The following CSMD1 variants were observed in gnomAD, a reference collection of about 807,000 sequenced individuals.
CSMD1 encodes the protein CUB and Sushi multiple domains 1.
In CSMD1, 213 loss-of-function variants were observed where a neutral mutation model predicts 417.5. That is an observed-to-expected ratio of 0.51 (90% confidence interval 0.46 to 0.57). The LOEUF (loss-of-function observed/expected upper bound fraction) is 0.57. CSMD1 is among the 20% of genes least tolerant of loss of function. The pLI is 0.00. For missense variants in CSMD1, 6,923 were observed against 4,529.7 expected, an observed-to-expected ratio of 1.53 and a Z score of -15.17; for synonymous variants, 2,862 against 1,736.8, an observed-to-expected ratio of 1.65 and a Z score of -16.11.
intron 1 of CSMD1, among the ~76,000 whole-genome samples, chr8:4,777,003 G>A (rs1796886316): frequency 6.6e-6 from 1 of 152,048 alleles, no homozygotes; most frequent in Non-Finnish European, 1.5e-5. Context: ...TTGTAAAACA[G>A]GTGACTGATT....
intron 52 of CSMD1, among the ~76,000 whole-genome samples, chr8:3,008,788 TA>T (rs1004685773): frequency 2.0e-5 from 3 of 152,206 alleles, no homozygotes; most frequent in African/African-American, 7.2e-5. Flanking sequence ...GTTTGCAACC[TA>T]AAACCACCAC....
intron 1 of CSMD1, among the ~76,000 whole-genome samples, chr8:4,784,246 C>T (rs1006324891): frequency 6.6e-6 from 1 of 152,184 alleles, no homozygotes; most frequent in Non-Finnish European, 1.5e-5. Flanking sequence ...TTGGAAAAGT[C>T]AAGCCCAAGT....
At chr8:3,078,026 A>G (rs1000244605) in intron 49 of CSMD1, among the ~76,000 whole-genome samples, 15 of 152,162 alleles carry the variant, frequency 9.9e-5, no homozygotes, top group Admixed American at 6.5e-4. Context: ...GCTTTGTGAA[A>G]TATTTTGAGT....
chr8:4,810,856 G>T (rs932716487), intron 1 of CSMD1, among the ~76,000 whole-genome samples: 1 of 152,202 alleles, frequency 6.6e-6, no homozygotes. Context: ...GAGATCAAAT[G>T]ATTTATAAGA....
At chr8:3,844,612 T>A (rs893161384) in intron 5 of CSMD1, among the ~76,000 whole-genome samples, 1 of 152,128 alleles carries the variant, frequency 6.6e-6, no homozygotes, top group African/African-American at 2.4e-5. Flanking sequence ...GGGGGTGTCC[T>A]CCCATCTGCA....
chr8:3,904,699 C>T (rs967300862), intron 5 of CSMD1, among the ~76,000 whole-genome samples: 5 of 144,642 alleles, frequency 3.5e-5, no homozygotes, highest in Admixed American at 7.2e-5. Context: ...TGCAGTGGTG[C>T]TATCTCAGCT....
chr8:3,043,870 G>A (rs532676255), intron 50 of CSMD1: 2 of 152,372 alleles, frequency 1.3e-5, no homozygotes, highest in Non-Finnish European at 2.9e-5. Context: ...ATTAAATAAT[G>A]TCATTCTCAA....
At chr8:3,497,321 T>A (rs1377362835) in intron 10 of CSMD1, among the ~76,000 whole-genome samples, 2 of 152,222 alleles carry the variant, frequency 1.3e-5, no homozygotes, top group Non-Finnish European at 2.9e-5. Flanking sequence ...ATCTGGGGTC[T>A]CTGGTGTTGG....
At chr8:3,976,963 T>C (rs1485695114) in intron 5 of CSMD1, among the ~76,000 whole-genome samples, 2 of 152,150 alleles carry the variant, frequency 1.3e-5, no homozygotes, top group African/African-American at 4.8e-5. Context: ...ATAGTACACA[T>C]GTCACAGAAC....
At chr8:3,459,371 C>T (rs948003128) in intron 12 of CSMD1, among the ~76,000 whole-genome samples, 4 of 152,266 alleles carry the variant, frequency 2.6e-5, no homozygotes, top group African/African-American at 4.8e-5. Flanking sequence ...TGACGGGAAT[C>T]GCACGGTGGA....
chr8:4,453,929 C>T (rs1799314809), intron 2 of CSMD1, among the ~76,000 whole-genome samples: 1 of 143,956 alleles, frequency 6.9e-6, no homozygotes, highest in African/African-American at 2.5e-5. Context: ...TCACAGCATT[C>T]TCCTGCCTCA....
At chr8:4,424,791 G>C (rs999122876) in intron 2 of CSMD1, among the ~76,000 whole-genome samples, 3 of 152,040 alleles carry the variant, frequency 2.0e-5, no homozygotes, top group Non-Finnish European at 4.4e-5. Context: ...ATTCGGTTGT[G>C]TAATTATTAT....
rs141295724 is a variant in CSMD1 at position 4,270,024 on chromosome 8, G to C, written c.415+149929C>G. On this transcript the variant is annotated intron_variant, in intron 3 of 69. Transcript: ENST00000635120. ...ATATAAGATGAGCTTCAACTCTGCA[G>C]TGTATTGTTGTTTTATGATTAATGA... Among the ~76,000 whole-genome samples the C allele has an allele frequency of 8.5e-4, 130 of 152,328 alleles. 1 individual carries two copies. Among genetic ancestry groups the C allele is most frequent in the Middle Eastern group, 3.4e-3 (1 of 294 alleles).
intron 25 of CSMD1, among the ~76,000 whole-genome samples, chr8:3,302,377 C>T (rs1804483542): frequency 6.6e-6 from 1 of 152,158 alleles, no homozygotes; most frequent in Non-Finnish European, 1.5e-5. Flanking sequence ...TCCTTCTTGG[C>T]TGAGTTTCCC....
chr8:3,001,984 C>G (rs929845978), intron 52 of CSMD1, among the ~76,000 whole-genome samples: 1 of 152,154 alleles, frequency 6.6e-6, no homozygotes, highest in South Asian at 2.1e-4. Flanking sequence ...AACTTATTAT[C>G]AGGAAGGTAA....
chr8:4,445,966 A>G (rs1165459283), intron 2 of CSMD1, among the ~76,000 whole-genome samples: 1 of 152,094 alleles, frequency 6.6e-6, no homozygotes, highest in Admixed American at 6.5e-5. Context: ...AGGTAGACGA[A>G]AGGATAGCAA....
At chr8:3,221,252 T>C (rs766608188) in intron 28 of CSMD1, among the ~76,000 whole-genome samples, 10 of 152,174 alleles carry the variant, frequency 6.6e-5, no homozygotes, top group Non-Finnish European at 1.5e-4. Flanking sequence ...ATCCTGAATA[T>C]ACTTATTAAA....
At chr8:3,262,208 TATATATATATATATATATATATAC>T (rs979649884) in intron 26 of CSMD1, among the ~76,000 whole-genome samples, 1 of 112,764 alleles carries the variant, frequency 8.9e-6, no homozygotes, top group African/African-American at 3.4e-5. Context: ...TATATATATA[TATATATATATATATATATATATAC>T]ACACACATAG....
rs1355110021 is a variant in CSMD1, at chr8:3,118,586, G to C, written c.6243C>G (p.Ala2081=). Residue 2081 remains alanine, a splice_region_variant and synonymous_variant, in exon 42 of 70, where the codon GCC becomes GCG. Transcript: ENST00000635120. ...NRQGFKLAYQ[A]YELQNCPDPP... is the part of the protein sequence containing the mutation. Reference sequence around the variant, plus strand: ...GATCTGGACAGTTCTGTAATTCATAGGCTGAAAGAAACAAACAGACAAAAT... The same window carrying C: ...GATCTGGACAGTTCTGTAATTCATACGCTGAAAGAAACAAACAGACAAAAT... 2 of 1,608,666 alleles carry C rather than the reference G, an allele frequency of 1.2e-6. No individual in the cohort carries two copies. Among genetic ancestry groups the C allele is most frequent in the East Asian group, 2.2e-5 (1 of 44,826 alleles).
Sources: gnomAD v4.1 joint callset for allele counts (sites outside exome capture counted in the v4.1 genomes callset) on GRCh38, gnomAD v4.1.1 for gene constraint, MANE v1.5 for transcripts, NCBI Gene and HGNC (gene_info 2026-07-23, HGNC 2026-07-21) for gene names.